Variants in LARGE2 observed in about 807,000 individuals in gnomAD.
LARGE2 encodes the protein LARGE xylosyl- and glucuronyltransferase 2, also known as xylosyl- and glucuronyltransferase LARGE2.
In LARGE2, 63 loss-of-function variants were observed where a neutral mutation model predicts 75.3. The ratio of observed to expected loss-of-function variants is 0.84; its 90% CI spans 0.68 to 1.03. LARGE2 has a LOEUF of 1.03. LARGE2 is among the 50% of genes least tolerant of loss of function. The pLI is 0.00. For missense variants in LARGE2, 925 were observed against 980.6 expected (o/e 0.94, Z 0.76); for synonymous variants, 428 against 420.1 (o/e 1.02, Z -0.23).
Position 45,927,777 on chromosome 11 carries a change from TCCA to T in LARGE2, c.1605-140_1605-138del, listed in dbSNP as rs1413613393. The T allele has an allele frequency of 3.5e-6, 5 of 1,441,678 alleles. 1 individual carries two copies. The Admixed American group carries it at 8.7e-5, about 25-fold the overall frequency. 89.3% of individuals were successfully genotyped at this position (1,441,678 alleles called of 1,614,324 possible). On this transcript the variant is annotated intron_variant, in intron 11 of 13. Transcript: ENST00000401752. Reference sequence around the variant, plus strand: ...GGCCAGGGCCGGCTTCAACAGCAGCTCCACCTGTGGTTGTGCCCACCCGTCGCA... The same window carrying T: ...GGCCAGGGCCGGCTTCAACAGCAGCTCCTGTGGTTGTGCCCACCCGTCGCA...
At position 45,924,726 on chromosome 11, in the gene LARGE2, G is replaced by A. The variant is rs769469019; in HGVS notation, c.664+49G>A. 19 of 1,555,850 alleles carry A rather than the reference G, an allele frequency of 1.2e-5. No homozygotes were observed. The South Asian group carries it at 2.0e-4, about 17-fold the overall frequency. On this transcript the variant is annotated intron_variant, in intron 5 of 13. Transcript: ENST00000401752. ...GGCCTGCCCAGGATCCCTGCATCCA[G>A]CCCTGAGCCCAGGTCCTGTGGCAGC...
At position 45,923,124 on chromosome 11, in the gene LARGE2, G is replaced by T. The variant is rs1013644763; in HGVS notation, c.242G>T (p.Arg81Leu). Residue 81 changes from arginine to leucine, a missense_variant, in exon 2 of 14, where the codon CGC becomes CTC. Arg to Leu is a moderately radical substitution (Grantham distance 102). This residue lies in a region of LARGE2 where 453 missense variants were observed against 460.2 expected (regional missense o/e 0.98). Coordinates refer to ENST00000401752, the MANE Select transcript of LARGE2 (RefSeq NM_001300721.2). ...DPGAGPGDHN[R>L]SDCGPQPPPP... ...GGGGCCGGCCCCGGGGACCACAACCGCTCCGACTGCGGCCCGCAGCCGCCG... is the reference window on the plus strand; with the variant it reads ...GGGGCCGGCCCCGGGGACCACAACCTCTCCGACTGCGGCCCGCAGCCGCCG... The T allele has an allele frequency of 1.8e-5, 24 of 1,366,144 alleles. No individual in the cohort carries two copies. In the African/African-American group the frequency reaches 3.7e-4, roughly 21 times the overall value. The allele number at this position is 1,366,144 out of a possible 1,614,324, so 84.6% of individuals were successfully genotyped here. A position where few individuals can be genotyped will look rare whatever the true frequency, so the allele number is the denominator to read the frequency against.
chr11:45,922,651 C>T (rs904610584), upstream of LARGE2: 28 of 331,728 alleles, frequency 8.4e-5, no homozygotes, highest in African/African-American at 4.2e-4. Context: ...GCGGGACCGG[C>T]CCGCGCCTCT....
chr11:45,923,537 A>C lies in LARGE2; in HGVS notation c.350A>C (p.Lys117Thr). 1.9e-6 allele frequency: 3 copies of C among 1,613,906 alleles called. No individual in the cohort carries two copies. The highest frequency in any genetic ancestry group is 2.5e-6 in the Non-Finnish European group (3 of 1,179,938). Reference sequence around the variant, plus strand: ...AGCCGAGACGTCATCACCCTGGTGAAGTCCATGCTCTTCTACAGGTACAGC... The same window carrying C: ...AGCCGAGACGTCATCACCCTGGTGACGTCCATGCTCTTCTACAGGTACAGC... The part of the protein sequence containing the change: ...NSSRDVITLV[K>T]SMLFYRKNPL... The change falls in exon 3 of 14, where the codon AAG becomes ACG. Residue 117 changes from lysine (K) to threonine (T), a missense_variant. Coordinates refer to ENST00000401752, the MANE Select transcript of LARGE2 (RefSeq NM_001300721.2).
Position 45,924,495 on chromosome 11 carries a change from C to A in LARGE2, c.493-11C>A, listed in dbSNP as rs778492429. ...CTCTGCCATCTCATCTCCTGCCTTT[C>A]CCCCACACAGCCCCAGGTCTCCTGG... On this transcript the variant is annotated splice_polypyrimidine_tract_variant and intron_variant, in intron 4 of 13. Coordinates refer to ENST00000401752, the MANE Select transcript of LARGE2 (RefSeq NM_001300721.2). The A allele has an allele frequency of 6.2e-7, 1 of 1,608,988 alleles. No homozygotes were observed. Among genetic ancestry groups the A allele is most frequent in the South Asian group, 1.1e-5 (1 of 90,804 alleles).
At position 45,926,660 on chromosome 11, in the gene LARGE2, G is replaced by C. The variant is rs1245460732; in HGVS notation, c.1165-51G>C. The C allele has an allele frequency of 4.3e-6, 7 of 1,612,188 alleles. No homozygotes were observed. The East Asian group carries it at 6.7e-5, about 15-fold the overall frequency. ...TGGTGGGACCCAGCCTTGTCTGGGG[G>C]ATGTGTTGTTCTGCCCTATCCCCGG... On this transcript the variant is annotated intron_variant, in intron 9 of 13. Transcript: ENST00000401752.
At position 45,924,077 on chromosome 11, in the gene LARGE2, T is replaced by A. The variant is rs1401491274; in HGVS notation, c.369-77T>A. On this transcript the variant is annotated intron_variant, in intron 3 of 13. Transcript: ENST00000401752. The stretch of plus-strand genomic sequence containing the variant: ...TCTTTGCAGATGGCGCTTCCATCTC[T>A]GCGCCCCTCGGGGTGGGGGCTGTCC... 5 of 1,493,670 alleles carry A rather than the reference T, an allele frequency of 3.3e-6. No homozygotes were observed. The African/African-American group carries it at 5.7e-5, about 17-fold the overall frequency. 92.5% of individuals were successfully genotyped at this position (1,493,670 alleles called of 1,614,324 possible).
rs750840113 is a variant in LARGE2 at position 45,927,587 on chromosome 11, A to T, written c.1598A>T (p.Tyr533Phe). The change falls in exon 11 of 14, where the codon TAC becomes TTC. Residue 533 changes from tyrosine to phenylalanine, a missense_variant. Around this residue, in one of 3 missense-constraint regions of LARGE2, gnomAD observed 469 missense variants for 503.8 expected, o/e 0.93. Coordinates refer to ENST00000401752, the MANE Select transcript of LARGE2 (RefSeq NM_001300721.2). ...DFLPAYSLYDYLRASIEQLGL... is the reference protein window; with the variant it reads ...DFLPAYSLYDFLRASIEQLGL... ...CTGCCTGCCTATTCTCTCTACGACT[A>T]CCTCAGGTGGGCCTGCAGGCAGAGA... 3.7e-6 allele frequency: 6 copies of T among 1,612,720 alleles called. No homozygotes were observed. The South Asian group carries it at 5.5e-5, about 15-fold the overall frequency.
chr11:45,923,158 C>T lies in LARGE2; in HGVS notation c.276C>T (p.Pro92=). Residue 92 remains proline, a synonymous_variant, in exon 2 of 14, where the codon CCC becomes CCT. Coordinates refer to ENST00000401752, the MANE Select transcript of LARGE2 (RefSeq NM_001300721.2). ...SDCGPQPPPP[P]KCELLHVAIV... ...GCGGCCCGCAGCCGCCGCCGCCGCC[C>T]AAGTGCGAGGTAGGTGCGCGCGGCC... is the stretch of plus-strand genomic sequence containing the variant. The T allele has an allele frequency of 7.5e-7, 1 of 1,341,554 alleles. No individual in the cohort carries two copies. Among genetic ancestry groups the T allele is most frequent in the Non-Finnish European group, 9.5e-7 (1 of 1,055,382 alleles). The allele number at this position is 1,341,554 out of a possible 1,614,324, so 83.1% of individuals were successfully genotyped here.
chr11:45,928,421 G>A (rs779280153), intron 13 of LARGE2, 49 bp downstream of exon 13: 4 of 1,592,344 alleles, frequency 2.5e-6, no homozygotes, highest in Admixed American at 1.7e-5. Flanking sequence ...GCACCTCCAG[G>A]TCCAGGGAAC....
chr11:45,926,888 C>T lies in LARGE2; in HGVS notation c.1325+17C>T, dbSNP rs375584007. 2.2e-5 allele frequency: 36 copies of T among 1,600,536 alleles called. No individual in the cohort carries two copies. In the African/African-American group the frequency reaches 4.4e-4, roughly 20 times the overall value. The stretch of plus-strand genomic sequence containing the variant: ...CATGGACCGGTGAGGGTGCAGAGGG[C>T]AGCCCAGGGGGTATGGCATGGGCTG... On this transcript the variant is annotated intron_variant, in intron 10 of 13. Transcript: ENST00000401752.
chr11:45,928,397 C>G, intron 13 of LARGE2, 25 bp downstream of exon 13: 2 of 1,607,716 alleles, frequency 1.2e-6, no homozygotes, highest in South Asian at 2.2e-5. Flanking sequence ...TTGCTGCCTC[C>G]ACCTTTGACT....
In LARGE2 at chr11:45,924,904, G is replaced by A; in HGVS notation, c.769+15G>A. The A allele has an allele frequency of 1.4e-6, 2 of 1,432,248 alleles. 1 individual carries two copies. Among genetic ancestry groups the A allele is most frequent in the South Asian group, 3.0e-5 (2 of 66,114 alleles). The allele number at this position is 1,432,248 out of a possible 1,614,324, so 88.7% of individuals were successfully genotyped here. ...ATTTAACACAGGTGGGGACAGTGGT[G>A]AGGGGAGGCAGGCGGGGTGGTCTGC... On this transcript the variant is annotated intron_variant, in intron 6 of 13. Transcript: ENST00000401752.
Position 45,922,841 on chromosome 11 carries a change from G to A in LARGE2, c.-42G>A, listed in dbSNP as rs1590803437. On this transcript the variant is annotated 5_prime_UTR_variant, in exon 2 of 14. Coordinates refer to ENST00000401752, the MANE Select transcript of LARGE2 (RefSeq NM_001300721.2). ...CGCAGGGCCTGCGATGGAGCCTGCA[G>A]CCCCGGGTCGCGTCCCTCCCTGAGC... The A allele has an allele frequency of 8.1e-7, 1 of 1,241,716 alleles. No homozygotes were observed. Among genetic ancestry groups the A allele is most frequent in the Non-Finnish European group, 1.0e-6 (1 of 993,310 alleles). 76.9% of individuals were successfully genotyped at this position (1,241,716 alleles called of 1,614,324 possible). A position where few individuals can be genotyped will look rare whatever the true frequency, so the allele number is the denominator to read the frequency against.
chr11:45,925,931 A>T, intron 6 of LARGE2, 108 bp from the exon 7 acceptor site: 1 of 888,018 alleles, frequency 1.1e-6, no homozygotes, highest in Non-Finnish European at 1.7e-6. Context: ...TCATGTCTGA[A>T]CAGTCAGAAA....
rs769839652 is a variant in LARGE2 at position 45,928,383 on chromosome 11, C to T, written c.1950+11C>T. Reference sequence around the variant, plus strand: ...GAGCTGGATGCCCAGGTGAGGAGGGCACCTTGCTGCCTCCACCTTTGACTC... The same window carrying T: ...GAGCTGGATGCCCAGGTGAGGAGGGTACCTTGCTGCCTCCACCTTTGACTC... On this transcript the variant is annotated intron_variant, in intron 13 of 13. Transcript: ENST00000401752. 6 of 1,610,400 alleles carry T rather than the reference C, an allele frequency of 3.7e-6. No homozygotes were observed. The highest frequency in any genetic ancestry group is 1.7e-5 in the Admixed American group (1 of 59,844).
Position 45,927,921 on chromosome 11 carries a change from G to A in LARGE2, c.1606G>A (p.Ala536Thr). 2 of 1,612,904 alleles carry A rather than the reference G, an allele frequency of 1.2e-6. No homozygotes were observed. Among genetic ancestry groups the A allele is most frequent in the Non-Finnish European group, 1.7e-6 (2 of 1,179,650 alleles). The change falls in exon 12 of 14, where the codon GCC (alanine) becomes ACC (threonine). Residue 536 changes from alanine (A) to threonine (T), a missense_variant and splice_region_variant. Physicochemically the swap from Ala to Thr is moderately conservative, Grantham distance 58. This residue lies in a region of LARGE2 where 469 missense variants were observed against 503.8 expected (regional missense o/e 0.93). Coordinates refer to ENST00000401752, the MANE Select transcript of LARGE2 (RefSeq NM_001300721.2). ...CTGCTCATGGGTGCTCCTCCTCAGG[G>A]CCTCCATTGAGCAGCTGGGGCTGGG... ...PAYSLYDYLR[A>T]SIEQLGLGSR...
chr11:45,925,788 G>A (rs1242262082), intron 6 of LARGE2, among the ~76,000 whole-genome samples: 1 of 152,090 alleles, frequency 6.6e-6, no homozygotes, highest in Non-Finnish European at 1.5e-5. Context: ...CTTGAGCCTG[G>A]GAAGTCGAGG....
At chr11:45,925,470 AC>A (rs1428702769) in intron 6 of LARGE2, among the ~76,000 whole-genome samples, 1 of 152,176 alleles carries the variant, frequency 6.6e-6, no homozygotes, top group Non-Finnish European at 1.5e-5. Context: ...AACCTGGCCA[AC>A]ATGGTAAAAC....
Sources: allele counts gnomAD v4.1 joint callset (sites outside exome capture counted in the v4.1 genomes callset), GRCh38; gene constraint gnomAD v4.1.1; regional missense constraint gnomAD v4.1.1; transcripts MANE v1.5; gene names NCBI Gene and HGNC (gene_info 2026-07-23, HGNC 2026-07-21).